COLGALT2: variants seen among roughly 807,000 people sequenced by gnomAD.
The protein encoded by COLGALT2 is procollagen galactosyltransferase 2.
In COLGALT2, 49 loss-of-function variants were observed where a neutral mutation model predicts 73.4. The ratio of observed to expected loss-of-function variants is 0.67; its 90% CI spans 0.53 to 0.85. COLGALT2 has a LOEUF of 0.85. Ranked by LOEUF, COLGALT2 falls within the 40% of genes least tolerant of loss-of-function variation. The pLI, the probability that COLGALT2 is intolerant of heterozygous loss-of-function variation, is 0.00. For synonymous variants in COLGALT2, 295 were observed against 307.6 expected (o/e 0.96, Z 0.43); for missense variants, 722 against 790.2 (o/e 0.91, Z 1.03).
At chr1:184,036,440 G>A (rs1443140152) in intron 1 of COLGALT2, among the ~76,000 whole-genome samples, 1 of 152,226 alleles carries the variant, frequency 6.6e-6, no homozygotes, top group Non-Finnish European at 1.5e-5. Context: ...CACCGGCAGG[G>A]ACAGCCCGGA....
chr1:184,037,420 G>A lies in COLGALT2; in HGVS notation c.-63C>T, dbSNP rs1649728950. The A allele has an allele frequency of 1.6e-6, 2 of 1,267,642 alleles. No individual in the cohort carries two copies. The highest frequency in any genetic ancestry group is 2.0e-6 in the Non-Finnish European group (2 of 1,009,002). The allele number at this position is 1,267,642 out of a possible 1,614,324, so 78.5% of individuals were successfully genotyped here. A position where few individuals can be genotyped will look rare whatever the true frequency, so the allele number is the denominator to read the frequency against. Reference sequence around the variant, plus strand: ...CGAGCGCCCGGCTGGGCTGCCTGAGGGCGGCGGCGGCTGCCGGGGAGCAAG... The same window carrying A: ...CGAGCGCCCGGCTGGGCTGCCTGAGAGCGGCGGCGGCTGCCGGGGAGCAAG... On this transcript the variant is annotated 5_prime_UTR_variant, in exon 1 of 12. Coordinates refer to ENST00000361927, the MANE Select transcript of COLGALT2 (RefSeq NM_015101.4).
At chr1:183,933,065 C>T (rs142135426), downstream of COLGALT2, among the ~76,000 whole-genome samples, 671 of 152,256 alleles carry the variant, frequency 4.4e-3, 5 homozygotes, top group South Asian at 7.5e-3. Context: ...CCTGTGCAAG[C>T]GGTTCAACTC....
chr1:183,987,895 T>G (rs549907697), intron 1 of COLGALT2, among the ~76,000 whole-genome samples: 1 of 152,226 alleles, frequency 6.6e-6, no homozygotes, highest in African/African-American at 2.4e-5. Flanking sequence ...TTTTTAGAGA[T>G]AAAAGTCTAT....
chr1:183,935,861 C>T lies in COLGALT2; in HGVS notation c.*2900G>A, dbSNP rs1669937342. On this transcript the variant is annotated 3_prime_UTR_variant, in exon 12 of 12. Transcript: ENST00000361927. ...TGAGCTAAGTTTTTTTTTAATTTTT[C>T]ACAAAGAGCTCCAGAAGGCAAATAG... 16 of 985,386 alleles carry T rather than the reference C, an allele frequency of 1.6e-5. No individual in the cohort carries two copies. Among genetic ancestry groups the T allele is most frequent in the Non-Finnish European group, 1.9e-5 (16 of 829,938 alleles). The allele number at this position is 985,386 out of a possible 1,614,324, so 61.0% of individuals were successfully genotyped here.
chr1:183,988,750 T>C (rs905367821), intron 1 of COLGALT2, among the ~76,000 whole-genome samples: 5 of 152,220 alleles, frequency 3.3e-5, no homozygotes, highest in African/African-American at 9.6e-5. Context: ...TTAATAGACA[T>C]TTGGGTGCTT....
At chr1:183,957,619 A>G (rs1670587273) in intron 6 of COLGALT2, among the ~76,000 whole-genome samples, 2 of 152,028 alleles carry the variant, frequency 1.3e-5, no homozygotes, top group Admixed American at 1.3e-4. Flanking sequence ...AGTCTTTCCT[A>G]TTCTAATTAA....
intron 4 of COLGALT2, among the ~76,000 whole-genome samples, chr1:183,972,437 T>C (rs1671066077): frequency 2.0e-5 from 3 of 152,190 alleles, no homozygotes; most frequent in Non-Finnish European, 4.4e-5. Flanking sequence ...ATTTTTATCC[T>C]ACATTGATAC....
At position 183,938,793 on chromosome 1, in the gene COLGALT2, G is replaced by C; in HGVS notation, c.1849C>G (p.Leu617Val). 6.2e-7 allele frequency: 1 copy of C among 1,614,182 alleles called. No homozygotes were observed. Among genetic ancestry groups the C allele is most frequent in the Non-Finnish European group, 8.5e-7 (1 of 1,180,026 alleles). The change falls in exon 12 of 12, where the codon CTG becomes GTG. Residue 617 changes from leucine to valine, a missense_variant. Transcript: ENST00000361927. ...TCATCCCTTGAAGGCACAGTGTCCA[G>C]GGAGGTTGGCGGTGGCAGGGCCTCT... ...NTEALPPPTS[L>V]DTVPSRDEL
At chr1:183,973,272 T>C (rs918450321) in intron 4 of COLGALT2, among the ~76,000 whole-genome samples, 1 of 152,310 alleles carries the variant, frequency 6.6e-6, no homozygotes, top group East Asian at 1.9e-4. Flanking sequence ...TTTTAAACTT[T>C]TTTTAATTTC....
intron 1 of COLGALT2, among the ~76,000 whole-genome samples, chr1:184,021,639 C>A (rs568407593): frequency 3.3e-5 from 5 of 152,284 alleles, no homozygotes; most frequent in African/African-American, 1.2e-4. Context: ...TAAATTATTA[C>A]CCAGTCTGTG....
At chr1:183,992,305 T>C (rs1325082116) in intron 1 of COLGALT2, among the ~76,000 whole-genome samples, 2 of 152,184 alleles carry the variant, frequency 1.3e-5, no homozygotes. Context: ...AAGAGGCTTA[T>C]TTTGAAGCTG....
chr1:184,027,445 T>C (rs1330505019), intron 1 of COLGALT2, among the ~76,000 whole-genome samples: 1 of 152,176 alleles, frequency 6.6e-6, no homozygotes, highest in African/African-American at 2.4e-5. Context: ...GCCCCAGAAA[T>C]CCATGTATCT....
At chr1:183,948,549 A>G (rs1042475975) in intron 8 of COLGALT2, among the ~76,000 whole-genome samples, 1 of 152,144 alleles carries the variant, frequency 6.6e-6, no homozygotes, top group African/African-American at 2.4e-5. Flanking sequence ...ACTCAACAAA[A>G]TAGGACTAAA....
At chr1:183,965,820 T>C (rs1431734963) in intron 5 of COLGALT2, among the ~76,000 whole-genome samples, 1 of 152,144 alleles carries the variant, frequency 6.6e-6, no homozygotes, top group Non-Finnish European at 1.5e-5. Context: ...TCATAGCCTA[T>C]GAATGACCAA....
At chr1:184,006,350 C>T (rs867523779) in intron 1 of COLGALT2, among the ~76,000 whole-genome samples, 70 of 152,094 alleles carry the variant, frequency 4.6e-4, no homozygotes, top group African/African-American at 1.6e-3. Context: ...TTTGGGAGGC[C>T]GAGGTGGGCG....
chr1:183,969,605 C>T (rs1420796768), intron 4 of COLGALT2, 132 bp from the exon 5 acceptor site: 1 of 638,444 alleles, frequency 1.6e-6, no homozygotes. Flanking sequence ...CACCTTCACT[C>T]CTCTTATCAT....
chr1:184,014,754 T>C (rs1378488596), intron 1 of COLGALT2, among the ~76,000 whole-genome samples: 2 of 152,192 alleles, frequency 1.3e-5, no homozygotes, highest in Non-Finnish European at 2.9e-5. Context: ...AGAAGTTTAC[T>C]TTAGACAGGA....
intron 1 of COLGALT2, among the ~76,000 whole-genome samples, chr1:184,020,494 G>C (rs1030171966): frequency 6.6e-6 from 1 of 152,114 alleles, no homozygotes; most frequent in African/African-American, 2.4e-5. Context: ...CTTCTTTGTT[G>C]TTTTCCCCTT....
At chr1:184,013,519 G>A (rs1160817581) in intron 1 of COLGALT2, among the ~76,000 whole-genome samples, 1 of 152,184 alleles carries the variant, frequency 6.6e-6, no homozygotes, top group Non-Finnish European at 1.5e-5. Context: ...AGAGAGTTGT[G>A]GCCCTGTGGA....
Sources: allele counts gnomAD v4.1 joint callset (sites outside exome capture counted in the v4.1 genomes callset), GRCh38; gene constraint gnomAD v4.1.1; transcripts MANE v1.5; gene names NCBI Gene and HGNC (gene_info 2026-07-23, HGNC 2026-07-21).